PLAG1: variants seen among roughly 807,000 people sequenced by gnomAD.
The protein encoded by PLAG1 is PLAG1 zinc finger, also known as zinc finger protein PLAG1.
A neutral mutation model predicts 35.5 loss-of-function variants in PLAG1; 7 were observed. The ratio of observed to expected loss-of-function variants is 0.20; its 90% CI spans 0.11 to 0.37. The LOEUF (loss-of-function observed/expected upper bound fraction) is 0.37, where lower values mean the gene tolerates loss of function less well. PLAG1 is among the 10% of genes least tolerant of loss of function. PLAG1 has a pLI of 1.00. For synonymous variants in PLAG1, 229 were observed against 225.4 expected, an observed-to-expected ratio of 1.02 and a Z score of -0.14; for missense variants, 454 against 602.8, an observed-to-expected ratio of 0.75 and a Z score of 2.58.
Position 56,166,152 on chromosome 8 carries a change from T to A in PLAG1, c.*91A>T. ...TGTATTATACAAAAGCAGAAATTTT[T>A]ATACTGTTTTAAAGTAGGCACTAAA... On this transcript the variant is annotated 3_prime_UTR_variant, in exon 5 of 5. Transcript: ENST00000316981. 1 of 874,008 alleles carries A rather than the reference T, an allele frequency of 1.1e-6. No homozygotes were observed. The highest frequency in any genetic ancestry group is 1.7e-6 in the Non-Finnish European group (1 of 582,876). The allele number at this position is 874,008 out of a possible 1,614,324, so 54.1% of individuals were successfully genotyped here.
chr8:56,187,974 C>T (rs777994101), intron 1 of PLAG1, among the ~76,000 whole-genome samples: 2 of 152,040 alleles, frequency 1.3e-5, no homozygotes, highest in Non-Finnish European at 2.9e-5. Context: ...TATTGACTAT[C>T]CAGCAATGGA....
intron 1 of PLAG1, among the ~76,000 whole-genome samples, chr8:56,207,902 A>G (rs1008771567): frequency 3.9e-5 from 6 of 152,134 alleles, no homozygotes; most frequent in African/African-American, 1.4e-4. Flanking sequence ...TGAACAGACA[A>G]GTAGCTAGTT....
At chr8:56,198,991 G>A (rs572210152) in intron 1 of PLAG1, among the ~76,000 whole-genome samples, 1 of 152,366 alleles carries the variant, frequency 6.6e-6, no homozygotes. Flanking sequence ...ATGTGGAGAT[G>A]TTAGTGTAAA....
rs745756342 is a variant in PLAG1 at position 56,165,220 on chromosome 8, C to G, written c.*1023G>C. On this transcript the variant is annotated 3_prime_UTR_variant, in exon 5 of 5. Transcript: ENST00000316981. ...CCCTACACAAGTTCCCAAATGTAAC[C>G]ATGTGCTTCACGTCTATCTTCCTGC... 17 of 213,620 alleles carry G rather than the reference C, an allele frequency of 8.0e-5. No individual in the cohort carries two copies. The highest frequency in any genetic ancestry group is 1.4e-4 in the Non-Finnish European group (15 of 105,602). 13.2% of individuals were successfully genotyped at this position (213,620 alleles called of 1,614,324 possible).
chr8:56,203,721 G>A (rs1812624049), intron 1 of PLAG1, among the ~76,000 whole-genome samples: 1 of 151,888 alleles, frequency 6.6e-6, no homozygotes. Context: ...ACCACTCTTG[G>A]TGTAATTAAC....
At chr8:56,190,180 AAC>A (rs1812142359) in intron 1 of PLAG1, among the ~76,000 whole-genome samples, 1 of 152,212 alleles carries the variant, frequency 6.6e-6, no homozygotes, top group African/African-American at 2.4e-5. Context: ...TAAGGCACAT[AAC>A]ACAGTGAGTG....
intron 2 of PLAG1, among the ~76,000 whole-genome samples, chr8:56,173,103 CTTTA>C (rs958899462): frequency 3.9e-5 from 6 of 151,974 alleles, no homozygotes; most frequent in South Asian, 2.1e-4. Flanking sequence ...TTCATAAAAT[CTTTA>C]TTTATGCTTA....
At chr8:56,181,413 T>C (rs1249943815) in intron 1 of PLAG1, among the ~76,000 whole-genome samples, 2 of 152,234 alleles carry the variant, frequency 1.3e-5, no homozygotes, top group East Asian at 1.9e-4. Flanking sequence ...TCATGTCCTT[T>C]GCAGAGACAT....
chr8:56,197,747 C>T (rs1812426084), intron 1 of PLAG1, among the ~76,000 whole-genome samples: 2 of 152,156 alleles, frequency 1.3e-5, no homozygotes, highest in African/African-American at 4.8e-5. Flanking sequence ...CTGTGTCTGT[C>T]TTTCTTTGGA....
intron 1 of PLAG1, among the ~76,000 whole-genome samples, chr8:56,202,956 A>T (rs1311947085): frequency 1.3e-5 from 2 of 152,190 alleles, no homozygotes; most frequent in Non-Finnish European, 2.9e-5. Context: ...AACTGTACTT[A>T]AAAAATTGAA....
At chr8:56,181,998 C>G (rs1811880730) in intron 1 of PLAG1, among the ~76,000 whole-genome samples, 1 of 152,194 alleles carries the variant, frequency 6.6e-6, no homozygotes, top group Non-Finnish European at 1.5e-5. Context: ...ATTAGAACCA[C>G]AGATGATTAG....
At chr8:56,196,987 T>TGTGTGTGTGTGC (rs1227336889) in intron 1 of PLAG1, among the ~76,000 whole-genome samples, 423 of 149,532 alleles carry the variant, frequency 2.8e-3, no homozygotes, top group Middle Eastern at 6.9e-3. Context: ...TGTGTGTGTG[T>TGTGTGTGTGTGC]GCTCCTCTCT....
intron 1 of PLAG1, among the ~76,000 whole-genome samples, chr8:56,181,180 C>T (rs750283782): frequency 1.1e-4 from 16 of 152,148 alleles, no homozygotes; most frequent in Non-Finnish European, 1.6e-4. Context: ...GGATCTTGAA[C>T]TAGAAATACC....
rs779262710 is a variant in PLAG1 at position 56,166,286 on chromosome 8, C to T, written c.1460G>A (p.Ser487Asn). Reference sequence around the variant, plus strand: ...GAAACGTGGGAGGGTGGTACTTGTGCTTAAACTGCTGGTGAAAGCTGCTGA... The same window carrying T: ...GAAACGTGGGAGGGTGGTACTTGTGTTTAAACTGCTGGTGAAAGCTGCTGA... ...SLSAAFTSSL[S>N]TSTTLPRFHQ... Residue 487 changes from serine to asparagine, a missense_variant, in exon 5 of 5, where the codon AGC becomes AAC. Transcript: ENST00000316981. The T allele has an allele frequency of 1.5e-5, 24 of 1,609,588 alleles. No homozygotes were observed. Among genetic ancestry groups the T allele is most frequent in the South Asian group, 8.9e-5 (8 of 90,368 alleles).
intron 1 of PLAG1, among the ~76,000 whole-genome samples, chr8:56,194,920 G>A (rs1812313059): frequency 6.6e-6 from 1 of 152,148 alleles, no homozygotes; most frequent in Non-Finnish European, 1.5e-5. Flanking sequence ...CAGTGAAAGA[G>A]TGGATGAGCC....
rs939792043 is a variant in PLAG1 at position 56,163,408 on chromosome 8, G to C, written c.*2835C>G. The C allele has an allele frequency of 1.0e-5, 2 of 197,468 alleles. No individual in the cohort carries two copies. The highest frequency in any genetic ancestry group is 2.1e-5 in the Non-Finnish European group (2 of 95,120). The allele number at this position is 197,468 out of a possible 1,614,324, so 12.2% of individuals were successfully genotyped here. A position where few individuals can be genotyped will look rare whatever the true frequency, so the allele number is the denominator to read the frequency against. On this transcript the variant is annotated 3_prime_UTR_variant, in exon 5 of 5. Transcript: ENST00000316981. Reference sequence around the variant, plus strand: ...TGTGTTACATCCTTGTTAGAACATTGTGCAATTCAAATAAGCGAGTCTGCC... The same window carrying C: ...TGTGTTACATCCTTGTTAGAACATTCTGCAATTCAAATAAGCGAGTCTGCC...
At chr8:56,206,551 C>T (rs779129299) in intron 1 of PLAG1, among the ~76,000 whole-genome samples, 3 of 151,846 alleles carry the variant, frequency 2.0e-5, no homozygotes, top group African/African-American at 4.8e-5. Context: ...AGTAGTCTTA[C>T]GGTAAAATAG....
intron 1 of PLAG1, among the ~76,000 whole-genome samples, chr8:56,191,299 C>A (rs1356790199): frequency 6.6e-6 from 1 of 152,046 alleles, no homozygotes; most frequent in East Asian, 1.9e-4. Flanking sequence ...GTATGTGAGA[C>A]CTGAGCTAGA....
intron 1 of PLAG1, among the ~76,000 whole-genome samples, chr8:56,192,044 C>T (rs1200836321): frequency 6.6e-6 from 1 of 152,086 alleles, no homozygotes; most frequent in Non-Finnish European, 1.5e-5. Context: ...GTGGTGATGG[C>T]TAAGAATGGA....
Sources: gnomAD v4.1 joint callset for allele counts (sites outside exome capture counted in the v4.1 genomes callset) on GRCh38, gnomAD v4.1.1 for gene constraint, MANE v1.5 for transcripts, NCBI Gene and HGNC (gene_info 2026-07-23, HGNC 2026-07-21) for gene names.